Variants in FBXO34 observed in about 807,000 individuals in gnomAD.
FBXO34 encodes the protein F-box protein 34.
A neutral mutation model predicts 24.5 loss-of-function variants in FBXO34; 12 were observed. That is an observed-to-expected ratio of 0.49 (90% CI 0.31 to 0.79). The LOEUF (loss-of-function observed/expected upper bound fraction) is 0.79. FBXO34 is among the 30% of genes least tolerant of loss of function. The pLI, the probability that FBXO34 is intolerant of heterozygous loss-of-function variation, is 0.04. For synonymous variants in FBXO34, 320 were observed against 311.9 expected (o/e 1.03, Z -0.27); for missense variants, 823 against 857.7 (o/e 0.96, Z 0.51).
chr14:55,439,620 C>CCCCCCCCG, the FBXO34 span, among the ~76,000 whole-genome samples: 2 of 134,284 alleles, frequency 1.5e-5, no homozygotes, highest in Non-Finnish European at 3.2e-5. Context: ...GCAAACCCCC[C>CCCCCCCCG]CCCGTCTCTA....
At chr14:55,359,735 A>G (rs938330767) in intron 3 of FBXO34, among the ~76,000 whole-genome samples, 2 of 152,052 alleles carry the variant, frequency 1.3e-5, no homozygotes, top group Non-Finnish European at 2.9e-5. Context: ...ATTATAACTT[A>G]CTTCAAAATC....
the FBXO34 span, chr14:55,440,300 G>A: frequency 1.4e-6 from 2 of 1,453,794 alleles, no homozygotes; most frequent in African/African-American, 1.4e-5. Context: ...GCCTCTTATG[G>A]TCGCTATGAG....
At chr14:55,398,355 A>G in the FBXO34 span, among the ~76,000 whole-genome samples, 1 of 152,110 alleles carries the variant, frequency 6.6e-6, no homozygotes, top group Non-Finnish European at 1.5e-5. Flanking sequence ...GTTTAAGGTG[A>G]TAACTCAGGT....
intron 1 of FBXO34, among the ~76,000 whole-genome samples, chr14:55,279,839 G>A (rs1034141415): frequency 6.6e-6 from 1 of 152,224 alleles, no homozygotes; most frequent in African/African-American, 2.4e-5. Context: ...GCAGTGGATG[G>A]CAGGATCTGG....
intron 1 of FBXO34, among the ~76,000 whole-genome samples, chr14:55,338,704 C>T (rs142211824): frequency 3.6e-4 from 55 of 152,030 alleles, no homozygotes; most frequent in African/African-American, 1.2e-3. Flanking sequence ...GTCAGGAGAT[C>T]GAGACCATCC....
At chr14:55,344,957 T>C (rs183287577) in intron 1 of FBXO34, among the ~76,000 whole-genome samples, 1 of 152,312 alleles carries the variant, frequency 6.6e-6, no homozygotes, top group African/African-American at 2.4e-5. Flanking sequence ...GTTTTACTCA[T>C]ATTTATACCA....
At chr14:55,436,979 C>T in the FBXO34 span, 2 of 1,614,192 alleles carry the variant, frequency 1.2e-6, no homozygotes, top group African/African-American at 1.3e-5. Context: ...TAAGGTACAA[C>T]TGGGCTGAAC....
intron 1 of FBXO34, among the ~76,000 whole-genome samples, chr14:55,331,727 A>ATATATG (rs1160792326): frequency 2.0e-5 from 1 of 49,842 alleles, no homozygotes. Flanking sequence ...GTATATATAT[A>ATATATG]TGTATATATA....
chr14:55,328,212 GCATTCCAAA>G (rs1166169478), intron 1 of FBXO34, among the ~76,000 whole-genome samples: 1 of 152,040 alleles, frequency 6.6e-6, no homozygotes, highest in African/African-American at 2.4e-5. Context: ...ACCTGCCCCA[GCATTCCAAA>G]GTGCTGGGAT....
At chr14:55,438,490 T>A in the FBXO34 span, among the ~76,000 whole-genome samples, 2 of 152,156 alleles carry the variant, frequency 1.3e-5, no homozygotes, top group Admixed American at 1.3e-4. Flanking sequence ...GTCTCACCTG[T>A]CCCAGATGTA....
rs376746659 is a variant in FBXO34 at position 55,283,741 on chromosome 14, G to A, written c.-11+12204G>A. Among the ~76,000 whole-genome samples, 14 of 152,226 alleles carry A rather than the reference G, an allele frequency of 9.2e-5. 1 individual carries two copies. The highest frequency in any genetic ancestry group is 3.4e-4 in the African/African-American group (14 of 41,522). On this transcript the variant is annotated intron_variant, in intron 1 of 1. Transcript: ENST00000313833. ...CCCAAAGTGCTGGGATTACAGGCAC[G>A]TGAGCCACCATGCCCAGCCAAGAAT...
downstream of FBXO34, among the ~76,000 whole-genome samples, chr14:55,372,339 G>T (rs906300672): frequency 6.6e-6 from 1 of 152,008 alleles, no homozygotes; most frequent in Non-Finnish European, 1.5e-5. Flanking sequence ...TCTCCTCCTG[G>T]CACGCACCCA....
At chr14:55,414,033 T>A in the FBXO34 span, 5 of 541,990 alleles carry the variant, frequency 9.2e-6, no homozygotes, top group African/African-American at 1.9e-5. Flanking sequence ...ATCAGGTGCC[T>A]CACCTCTTTC....
At chr14:55,367,414 T>C (rs780905485) in exon 3 of FBXO34, 1 of 152,262 alleles carries the variant, frequency 6.6e-6, no homozygotes, top group Non-Finnish European at 1.5e-5. Flanking sequence ...ATCATGAAGC[T>C]GAGCACTTAA....
chr14:55,404,622 G>A, the FBXO34 span, among the ~76,000 whole-genome samples: 1 of 152,150 alleles, frequency 6.6e-6, no homozygotes, highest in Admixed American at 6.6e-5. Context: ...GAGAACCTGG[G>A]CATTCCAGGA....
the FBXO34 span, among the ~76,000 whole-genome samples, chr14:55,419,195 C>T: frequency 6.6e-6 from 1 of 152,202 alleles, no homozygotes; most frequent in African/African-American, 2.4e-5. Context: ...GAGCCTGGCT[C>T]CTCACATGCC....
At chr14:55,273,971 A>G (rs747748440) in intron 1 of FBXO34, among the ~76,000 whole-genome samples, 1 of 151,958 alleles carries the variant, frequency 6.6e-6, no homozygotes, top group South Asian at 2.1e-4. Flanking sequence ...ATGCCCGGCT[A>G]ATTTTTGTAT....
the FBXO34 span, among the ~76,000 whole-genome samples, chr14:55,376,773 A>G: frequency 6.6e-6 from 1 of 152,178 alleles, no homozygotes; most frequent in Non-Finnish European, 1.5e-5. Flanking sequence ...GTGTAAATAT[A>G]TAACCATATC....
At chr14:55,292,279 A>C (rs935895157) in intron 1 of FBXO34, among the ~76,000 whole-genome samples, 2 of 152,284 alleles carry the variant, frequency 1.3e-5, no homozygotes, top group African/African-American at 2.4e-5. Flanking sequence ...ATTTTTAACT[A>C]TGAGCTTTTG....
Sources: allele counts gnomAD v4.1 joint callset (sites outside exome capture counted in the v4.1 genomes callset), GRCh38; gene constraint gnomAD v4.1.1; transcripts MANE v1.5; gene names NCBI Gene and HGNC (gene_info 2026-07-23, HGNC 2026-07-21).